Variants in SOX6 observed in about 807,000 individuals in gnomAD.
SOX6 encodes the protein transcription factor SOX-6.
SOX6 carries 11 observed loss-of-function variants against 97.8 expected under a neutral mutation model. The observed-to-expected ratio is 0.11, with a 90% CI of 0.07 to 0.19. The LOEUF is 0.19. SOX6 is among the 10% of genes least tolerant of loss of function. The pLI, the probability that SOX6 is intolerant of heterozygous loss-of-function variation, is 1.00. For synonymous variants in SOX6, 360 were observed against 371.4 expected (o/e 0.97, Z 0.35); for missense variants, 810 against 1,039.5 (o/e 0.78, Z 3.04).
chr11:16,628,478 T>C (rs548571686), intron 3 of SOX6, among the ~76,000 whole-genome samples: 43 of 151,980 alleles, frequency 2.8e-4, no homozygotes, highest in African/African-American at 1.0e-3. Context: ...ACAAAAAAAT[T>C]AGCTGGGTAT....
intron 4 of SOX6, among the ~76,000 whole-genome samples, chr11:16,579,749 C>G (rs115008854): frequency 6.6e-6 from 1 of 152,022 alleles, no homozygotes; most frequent in East Asian, 1.9e-4. Context: ...AAAATTGCTA[C>G]GAACAAGCGG....
chr11:16,150,658 A>G (rs926254313), intron 6 of SOX6, among the ~76,000 whole-genome samples: 1 of 152,226 alleles, frequency 6.6e-6, no homozygotes, highest in African/African-American at 2.4e-5. Flanking sequence ...TAACAATTCA[A>G]CAACATCACC....
At chr11:16,404,514 A>AT (rs2134446865) in intron 1 of SOX6, among the ~76,000 whole-genome samples, 1 of 152,052 alleles carries the variant, frequency 6.6e-6, no homozygotes, top group African/African-American at 2.4e-5. Context: ...ATAGAAAGCC[A>AT]TTTTTTAAAA....
At chr11:16,307,544 A>G (rs773651704) in intron 3 of SOX6, among the ~76,000 whole-genome samples, 9 of 152,184 alleles carry the variant, frequency 5.9e-5, no homozygotes, top group Non-Finnish European at 8.8e-5. Flanking sequence ...TGTCCATAAC[A>G]TAAGCAAAAT....
chr11:16,435,873 C>T (rs1310002278), intron 1 of SOX6, among the ~76,000 whole-genome samples: 1 of 151,834 alleles, frequency 6.6e-6, no homozygotes, highest in Non-Finnish European at 1.5e-5. Flanking sequence ...TATGTTCTCC[C>T]TATTCCAAAA....
intron 6 of SOX6, among the ~76,000 whole-genome samples, chr11:16,176,240 C>CTA (rs1851183227): frequency 6.6e-6 from 1 of 151,844 alleles, no homozygotes; most frequent in Admixed American, 6.6e-5. Flanking sequence ...CTAGAATCAT[C>CTA]TATAAACTTT....
chr11:16,351,888 C>T (rs1856957331), intron 1 of SOX6, among the ~76,000 whole-genome samples: 1 of 152,054 alleles, frequency 6.6e-6, no homozygotes, highest in South Asian at 2.1e-4. Flanking sequence ...AACCGCATTA[C>T]AAACTTCTCA....
chr11:16,626,015 G>A (rs1848618574), intron 3 of SOX6, among the ~76,000 whole-genome samples: 1 of 152,136 alleles, frequency 6.6e-6, no homozygotes, highest in Non-Finnish European at 1.5e-5. Flanking sequence ...ATTTACAACT[G>A]GTGTCTGAGG....
chr11:16,590,208 G>A (rs193048860), intron 4 of SOX6, among the ~76,000 whole-genome samples: 86 of 152,274 alleles, frequency 5.6e-4, no homozygotes, highest in Non-Finnish European at 1.1e-3. Context: ...TGTCAGGTAG[G>A]ACGCTTGCTT....
In SOX6 at chr11:16,006,956, C is replaced by T. The variant is rs1045526836; in HGVS notation, c.1732+7986G>A. On this transcript the variant is annotated intron_variant, in intron 13 of 15. Coordinates refer to ENST00000683767, the MANE Select transcript of SOX6 (RefSeq NM_001367873.1). ...GTTAGAAAGTCCTGGTTCCTAGCAC[C>T]GGAGATTCAGTCTACAGAGACCCAC... Among the ~76,000 whole-genome samples the T allele has an allele frequency of 5.3e-5, 8 of 151,954 alleles. No individual in the cohort carries two copies. The South Asian group carries it at 1.7e-3, about 32-fold the overall frequency.
chr11:16,318,383 T>G lies in SOX6; in HGVS notation c.445+63A>C. 3 of 1,572,656 alleles carry G rather than the reference T, an allele frequency of 1.9e-6. No individual in the cohort carries two copies. In the East Asian group the frequency reaches 6.7e-5, roughly 35 times the overall value. ...CCCTTGAAATCCCACTTTTTTTTTT[T>G]TTTTAAGGCCTGGAATCTTTAGAAG... On this transcript the variant is annotated intron_variant, in intron 3 of 15. Transcript: ENST00000683767.
intron 13 of SOX6, among the ~76,000 whole-genome samples, chr11:15,993,833 AAAG>A (rs1313149696): frequency 6.6e-6 from 1 of 152,204 alleles, no homozygotes; most frequent in Non-Finnish European, 1.5e-5. Context: ...GGTGGGTTGG[AAAG>A]AAGGCCAGTT....
intron 5 of SOX6, among the ~76,000 whole-genome samples, chr11:16,186,149 A>G (rs1055410556): frequency 3.3e-5 from 5 of 152,176 alleles, no homozygotes; most frequent in Admixed American, 6.6e-5. Context: ...TTCTAAGTCA[A>G]TCAGGTCAAA....
At chr11:16,731,745 C>G (rs529147256) in intron 2 of SOX6, among the ~76,000 whole-genome samples, 6 of 152,248 alleles carry the variant, frequency 3.9e-5, no homozygotes, top group Non-Finnish European at 8.8e-5. Context: ...CTGGCCAGGG[C>G]AATCAGGCAA....
At chr11:16,108,568 T>C (rs1229627130) in intron 7 of SOX6, among the ~76,000 whole-genome samples, 1 of 152,244 alleles carries the variant, frequency 6.6e-6, no homozygotes, top group East Asian at 1.9e-4. Context: ...CAAAAGTCTG[T>C]GGTTTATGTT....
chr11:16,522,576 C>T (rs142068016), intron 4 of SOX6, among the ~76,000 whole-genome samples: 16,037 of 151,478 alleles, frequency 0.11, 916 homozygotes, highest in Non-Finnish European at 0.14. Context: ...CATCAACTAA[C>T]GAGCAAAATA....
intron 6 of SOX6, among the ~76,000 whole-genome samples, chr11:16,181,569 AAAAAAG>A (rs1244337209): frequency 3.2e-4 from 49 of 151,678 alleles, no homozygotes; most frequent in African/African-American, 1.2e-3. Context: ...CAAAAAAAAA[AAAAAAG>A]AAAGTCTGAA....
At chr11:16,541,585 T>C (rs1163350310) in intron 4 of SOX6, among the ~76,000 whole-genome samples, 1 of 151,744 alleles carries the variant, frequency 6.6e-6, no homozygotes, top group Non-Finnish European at 1.5e-5. Flanking sequence ...AGGACTAATA[T>C]CCAGAATCTA....
At chr11:16,435,728 T>C (rs771618411) in intron 1 of SOX6, among the ~76,000 whole-genome samples, 3 of 151,988 alleles carry the variant, frequency 2.0e-5, no homozygotes, top group Non-Finnish European at 4.4e-5. Flanking sequence ...ACCAAAAAAG[T>C]CTTTCAGCAA....
Sources: allele counts gnomAD v4.1 joint callset (sites outside exome capture counted in the v4.1 genomes callset), GRCh38; gene constraint gnomAD v4.1.1; transcripts MANE v1.5; gene names NCBI Gene and HGNC (gene_info 2026-07-23, HGNC 2026-07-21).